BANK1: variants seen among roughly 807,000 people sequenced by gnomAD.
The protein encoded by BANK1 is B cell scaffold protein with ankyrin repeats 1.
In BANK1, 95 loss-of-function variants were observed where a neutral mutation model predicts 94.5. The ratio of observed to expected loss-of-function variants is 1.00; its 90% confidence interval spans 0.85 to 1.19. The LOEUF (loss-of-function observed/expected upper bound fraction) is 1.19. Among genes scored for constraint, BANK1 ranks in the 50% most tolerant of loss-of-function variants. BANK1 has a pLI of 0.00. For synonymous variants in BANK1, 334 were observed against 308.4 expected, an observed-to-expected ratio of 1.08 and a Z score of -0.87; for missense variants, 987 against 932.2, an observed-to-expected ratio of 1.06 and a Z score of -0.77.
At chr4:101,988,959 A>C (rs1194554712) in intron 7 of BANK1, among the ~76,000 whole-genome samples, 1 of 152,226 alleles carries the variant, frequency 6.6e-6, no homozygotes, top group African/African-American at 2.4e-5. Flanking sequence ...TGAAAGGTTA[A>C]CATCTTATAT....
At chr4:101,797,423 C>T (rs755534621) in intron 1 of BANK1, among the ~76,000 whole-genome samples, 1 of 152,054 alleles carries the variant, frequency 6.6e-6, no homozygotes, top group Admixed American at 6.5e-5. Context: ...AGGGATGGCA[C>T]ATGATTAGAT....
At chr4:101,915,124 A>G (rs1722786593) in intron 6 of BANK1, among the ~76,000 whole-genome samples, 2 of 152,154 alleles carry the variant, frequency 1.3e-5, no homozygotes, top group Admixed American at 1.3e-4. Flanking sequence ...CCAAATAATG[A>G]GGACCAACAG....
At chr4:101,814,187 G>A (rs1725818330) in intron 1 of BANK1, among the ~76,000 whole-genome samples, 3 of 152,164 alleles carry the variant, frequency 2.0e-5, no homozygotes, top group Admixed American at 2.0e-4. Flanking sequence ...TTAGTTAGGA[G>A]TGTATTTATT....
At chr4:101,969,204 A>G (rs991696136) in intron 7 of BANK1, among the ~76,000 whole-genome samples, 3 of 152,060 alleles carry the variant, frequency 2.0e-5, no homozygotes, top group Non-Finnish European at 4.4e-5. Context: ...CTTTCTCTAT[A>G]CCTGACCTTG....
intron 6 of BANK1, among the ~76,000 whole-genome samples, chr4:101,916,129 A>C (rs148938036): frequency 5.9e-5 from 9 of 152,162 alleles, no homozygotes; most frequent in African/African-American, 2.2e-4. Flanking sequence ...CATTTGTGAC[A>C]TGGCATCAAG....
intron 1 of BANK1, among the ~76,000 whole-genome samples, chr4:101,808,892 G>A (rs1725650207): frequency 6.6e-6 from 1 of 152,104 alleles, no homozygotes; most frequent in Non-Finnish European, 1.5e-5. Flanking sequence ...CTTTTACACT[G>A]GTAGTGGGAA....
At chr4:101,920,638 G>A (rs899873108) in intron 7 of BANK1, among the ~76,000 whole-genome samples, 1 of 151,758 alleles carries the variant, frequency 6.6e-6, no homozygotes. Flanking sequence ...ATCTACTAGT[G>A]GACTACACTT....
At chr4:101,941,355 G>T (rs556602933) in intron 7 of BANK1, among the ~76,000 whole-genome samples, 1 of 151,880 alleles carries the variant, frequency 6.6e-6, no homozygotes, top group Non-Finnish European at 1.5e-5. Context: ...TAGAAATTAA[G>T]ATCTGGGTGC....
chr4:102,014,120 C>T (rs1457344287), intron 7 of BANK1, among the ~76,000 whole-genome samples: 1 of 151,952 alleles, frequency 6.6e-6, no homozygotes, highest in East Asian at 1.9e-4. Context: ...ACCTATACAA[C>T]CTAAAGATGT....
chr4:102,005,323 A>T (rs1025578286), intron 7 of BANK1, among the ~76,000 whole-genome samples: 3 of 151,994 alleles, frequency 2.0e-5, no homozygotes, highest in Non-Finnish European at 1.5e-5. Context: ...ATAAATGATT[A>T]AAAAATTATA....
chr4:102,020,534 A>T (rs554051235), intron 7 of BANK1, among the ~76,000 whole-genome samples: 1 of 152,250 alleles, frequency 6.6e-6, no homozygotes, highest in East Asian at 1.9e-4. Flanking sequence ...TTTAAAAAAA[A>T]ATTAATGAGT....
chr4:101,939,628 C>T (rs962337821), intron 7 of BANK1, among the ~76,000 whole-genome samples: 4 of 151,616 alleles, frequency 2.6e-5, no homozygotes, highest in African/African-American at 9.7e-5. Flanking sequence ...CTTTCTCTCA[C>T]AAATCATTGG....
chr4:101,842,243 A>G (rs996597554), intron 2 of BANK1, among the ~76,000 whole-genome samples: 1 of 152,188 alleles, frequency 6.6e-6, no homozygotes, highest in Non-Finnish European at 1.5e-5. Context: ...CTCCTTTCCA[A>G]AGTTCTAAGC....
intron 4 of BANK1, among the ~76,000 whole-genome samples, chr4:101,868,455 G>T (rs1329755533): frequency 6.6e-6 from 1 of 151,914 alleles, no homozygotes; most frequent in Non-Finnish European, 1.5e-5. Flanking sequence ...TAACAACAGA[G>T]TGTCACAATA....
intron 5 of BANK1, among the ~76,000 whole-genome samples, chr4:101,874,996 T>G (rs1049481153): frequency 3.3e-5 from 5 of 152,146 alleles, no homozygotes; most frequent in Admixed American, 3.3e-4. Flanking sequence ...TGGAGCAAAT[T>G]GGCAGAATAG....
rs750891317 is a variant in BANK1, at chr4:102,025,178, C to A, written c.1286-23C>A. On this transcript the variant is annotated intron_variant, in intron 8 of 16. Transcript: ENST00000322953. The stretch of plus-strand genomic sequence containing the variant: ...TTCAGATGGTGTGTTTAAATGAAAT[C>A]ATGCAATCTTCATCATAAACAGCCA... 1.9e-6 allele frequency: 3 copies of A among 1,606,076 alleles called. No individual in the cohort carries two copies. The South Asian group carries it at 3.3e-5, about 18-fold the overall frequency.
At chr4:101,887,301 T>C (rs1728893189) in intron 5 of BANK1, among the ~76,000 whole-genome samples, 1 of 152,244 alleles carries the variant, frequency 6.6e-6, no homozygotes, top group Non-Finnish European at 1.5e-5. Context: ...ACATTCTAAC[T>C]AATTTAAAAG....
At chr4:102,060,430 G>A (rs376123537) in intron 12 of BANK1, 41 bp downstream of exon 12, 26 of 1,559,382 alleles carry the variant, frequency 1.7e-5, no homozygotes, top group Non-Finnish European at 2.2e-5. Context: ...TCCCTCACTT[G>A]TGGAGCCCCT....
intron 7 of BANK1, among the ~76,000 whole-genome samples, chr4:101,946,662 T>C (rs927005469): frequency 2.6e-5 from 4 of 151,956 alleles, no homozygotes; most frequent in African/African-American, 9.7e-5. Context: ...GCCTCAGTCA[T>C]ATTACATATC....
Sources: gnomAD v4.1 joint callset for allele counts (sites outside exome capture counted in the v4.1 genomes callset) on GRCh38, gnomAD v4.1.1 for gene constraint, MANE v1.5 for transcripts, NCBI Gene and HGNC (gene_info 2026-07-23, HGNC 2026-07-21) for gene names.